NLGN1: variants seen among roughly 807,000 people sequenced by gnomAD.
NLGN1 encodes neuroligin-1.
Under a neutral mutation model 65.5 loss-of-function variants are expected in NLGN1, and 12 were observed. The observed-to-expected ratio is 0.18, with a 90% confidence interval of 0.12 to 0.30. The LOEUF is 0.30. NLGN1 is among the 10% of genes least tolerant of loss of function. The pLI, the probability that NLGN1 is intolerant of heterozygous loss-of-function variation, is 1.00. For missense variants in NLGN1, 750 were observed against 1,007.1 expected, an observed-to-expected ratio of 0.74 and a Z score of 3.46; for synonymous variants, 350 against 359.5, an observed-to-expected ratio of 0.97 and a Z score of 0.30.
At chr3:173,521,308 A>G (rs947438782) in intron 2 of NLGN1, among the ~76,000 whole-genome samples, 1 of 152,210 alleles carries the variant, frequency 6.6e-6, no homozygotes, top group African/African-American at 2.4e-5. Flanking sequence ...CAGAGCCAGG[A>G]TTAGAATGAA....
the NLGN1 span, among the ~76,000 whole-genome samples, chr3:174,292,856 A>C: frequency 6.6e-6 from 1 of 151,432 alleles, no homozygotes; most frequent in Non-Finnish European, 1.5e-5. Flanking sequence ...GCTTGCACCC[A>C]AAACCAAACC....
intron 4 of NLGN1, among the ~76,000 whole-genome samples, chr3:173,908,656 A>G (rs1187637907): frequency 1.3e-5 from 2 of 152,222 alleles, no homozygotes; most frequent in Non-Finnish European, 2.9e-5. Context: ...ACGTGTAGCA[A>G]CATCTATAAC....
At chr3:173,808,139 T>C (rs923858027) in intron 4 of NLGN1, among the ~76,000 whole-genome samples, 4 of 152,126 alleles carry the variant, frequency 2.6e-5, no homozygotes, top group Non-Finnish European at 5.9e-5. Context: ...CTTCTTCTGC[T>C]TTTCTGTTTA....
At chr3:173,711,074 A>G (rs1229019814) in intron 3 of NLGN1, among the ~76,000 whole-genome samples, 1 of 152,212 alleles carries the variant, frequency 6.6e-6, no homozygotes, top group South Asian at 2.1e-4. Flanking sequence ...AGGCAAGAAG[A>G]TCCATAATTG....
chr3:173,797,896 C>T (rs1714513012), intron 3 of NLGN1, among the ~76,000 whole-genome samples: 1 of 152,006 alleles, frequency 6.6e-6, no homozygotes, highest in African/African-American at 2.4e-5. Flanking sequence ...CTCATGTAGG[C>T]CCAAGAGCTA....
intron 4 of NLGN1, among the ~76,000 whole-genome samples, chr3:174,145,477 C>T (rs540983812): frequency 5.3e-5 from 8 of 151,844 alleles, no homozygotes; most frequent in African/African-American, 1.9e-4. Context: ...GGCGCCACTG[C>T]ACTCCAGCCT....
At chr3:174,092,607 A>C (rs1744731015) in intron 4 of NLGN1, among the ~76,000 whole-genome samples, 1 of 152,014 alleles carries the variant, frequency 6.6e-6, no homozygotes, top group Non-Finnish European at 1.5e-5. Flanking sequence ...TCATAACATT[A>C]TAACGTTTCT....
intron 4 of NLGN1, among the ~76,000 whole-genome samples, chr3:174,147,820 T>C (rs552620165): frequency 1.3e-5 from 2 of 152,252 alleles, no homozygotes; most frequent in East Asian, 3.9e-4. Flanking sequence ...TTATTGTGAA[T>C]AAGAGTTTCT....
At chr3:173,522,510 A>G (rs1396038453) in intron 2 of NLGN1, among the ~76,000 whole-genome samples, 1 of 152,116 alleles carries the variant, frequency 6.6e-6, no homozygotes, top group Non-Finnish European at 1.5e-5. Context: ...GGCTCACTGC[A>G]AGCTCTGCCT....
At chr3:173,839,505 C>A (rs2150663924) in intron 4 of NLGN1, among the ~76,000 whole-genome samples, 1 of 152,054 alleles carries the variant, frequency 6.6e-6, no homozygotes, top group Non-Finnish European at 1.5e-5. Context: ...TCACTGCAAC[C>A]TCTGCCTCCC....
At chr3:173,895,080 G>C (rs957979781) in intron 4 of NLGN1, among the ~76,000 whole-genome samples, 4 of 152,168 alleles carry the variant, frequency 2.6e-5, no homozygotes, top group African/African-American at 4.8e-5. Context: ...TGCCGGGAGG[G>C]GGGGAGTTGT....
At chr3:174,105,810 T>G (rs1274787583) in intron 4 of NLGN1, among the ~76,000 whole-genome samples, 1 of 150,562 alleles carries the variant, frequency 6.6e-6, no homozygotes, top group Admixed American at 6.7e-5. Flanking sequence ...CACAAGACTC[T>G]TAAGGACCCA....
chr3:173,911,773 G>GT (rs1739648720), intron 4 of NLGN1, among the ~76,000 whole-genome samples: 1 of 152,118 alleles, frequency 6.6e-6, no homozygotes, highest in Non-Finnish European at 1.5e-5. Flanking sequence ...TAATAATAGT[G>GT]TATCTCAAAC....
chr3:173,795,475 G>A (rs1342052305), intron 3 of NLGN1, among the ~76,000 whole-genome samples: 2 of 151,976 alleles, frequency 1.3e-5, no homozygotes, highest in African/African-American at 2.4e-5. Context: ...TCAAATTAGC[G>A]AGAATGATTC....
intron 3 of NLGN1, among the ~76,000 whole-genome samples, chr3:173,665,581 T>C (rs1761578954): frequency 6.6e-6 from 1 of 152,178 alleles, no homozygotes; most frequent in East Asian, 1.9e-4. Flanking sequence ...TAATTGACAT[T>C]GAGGAATCTC....
chr3:173,699,021 T>G (rs1211500787), intron 3 of NLGN1, among the ~76,000 whole-genome samples: 1 of 152,122 alleles, frequency 6.6e-6, no homozygotes, highest in African/African-American at 2.4e-5. Flanking sequence ...CTTGCCCAGC[T>G]AATTTTGTAA....
chr3:174,132,302 A>C (rs1300341991), intron 4 of NLGN1, among the ~76,000 whole-genome samples: 1 of 152,214 alleles, frequency 6.6e-6, no homozygotes, highest in East Asian at 1.9e-4. Context: ...AGAAGATTAA[A>C]TAAAATAGCC....
intron 4 of NLGN1, among the ~76,000 whole-genome samples, chr3:174,140,001 A>G (rs1464824120): frequency 1.3e-5 from 2 of 152,118 alleles, no homozygotes; most frequent in Non-Finnish European, 2.9e-5. Context: ...ACAGTTATTT[A>G]TCAGATGTGT....
chr3:174,093,149 C>T (rs1420840229), intron 4 of NLGN1, among the ~76,000 whole-genome samples: 1 of 152,144 alleles, frequency 6.6e-6, no homozygotes, highest in East Asian at 1.9e-4. Flanking sequence ...ATACAATCTT[C>T]CATTTATTTG....
Sources: gnomAD v4.1 joint callset for allele counts (sites outside exome capture counted in the v4.1 genomes callset) on GRCh38, gnomAD v4.1.1 for gene constraint, MANE v1.5 for transcripts, NCBI Gene and HGNC (gene_info 2026-07-23, HGNC 2026-07-21) for gene names.